The following ZFHX3 variants were observed in gnomAD, a reference collection of about 807,000 sequenced individuals.
ZFHX3 encodes the protein zinc finger homeobox protein 3.
ZFHX3 carries 42 observed loss-of-function variants against 279.1 expected under a neutral mutation model. The observed-to-expected ratio is 0.15, with a 90% CI of 0.12 to 0.19. The LOEUF is 0.19. Among genes scored for constraint, ZFHX3 ranks in the 10% least tolerant of loss-of-function variants. The probability of loss-of-function intolerance (pLI) is 1.00; values close to 1 mark genes in which losing one functional copy is unlikely to be tolerated. For missense variants in ZFHX3, 4,981 were observed against 4,754.0 expected, an observed-to-expected ratio of 1.05 and a Z score of -1.40; for synonymous variants, 2,293 against 1,957.8, an observed-to-expected ratio of 1.17 and a Z score of -4.52.
At chr16:73,605,595 A>G (rs1597023838) in intron 2 of ZFHX3, among the ~76,000 whole-genome samples, 1 of 152,038 alleles carries the variant, frequency 6.6e-6, no homozygotes, top group African/African-American at 2.4e-5. Flanking sequence ...CCAAACACTA[A>G]GGAAAAAGCA....
At chr16:73,654,222 A>G (rs2052700137) in intron 2 of ZFHX3, among the ~76,000 whole-genome samples, 1 of 152,032 alleles carries the variant, frequency 6.6e-6, no homozygotes, top group African/African-American at 2.4e-5. Flanking sequence ...AATGTTACAA[A>G]AAACTTCCTC....
At chr16:73,539,442 T>C (rs1193366108) in intron 2 of ZFHX3, among the ~76,000 whole-genome samples, 167 of 129,136 alleles carry the variant, frequency 1.3e-3, no homozygotes, top group African/African-American at 5.4e-3. Context: ...TCTTTTTTTT[T>C]TTTTTTTTTT....
chr16:73,355,650 G>T (rs1026934459), intron 3 of ZFHX3, among the ~76,000 whole-genome samples: 2 of 152,216 alleles, frequency 1.3e-5, no homozygotes, highest in Non-Finnish European at 2.9e-5. Context: ...CTGAGGCACA[G>T]CAGGGAGGAC....
At chr16:73,682,255 A>G (rs1422426648) in intron 1 of ZFHX3, among the ~76,000 whole-genome samples, 1 of 152,224 alleles carries the variant, frequency 6.6e-6, no homozygotes, top group East Asian at 1.9e-4. Flanking sequence ...GCCATGCTCA[A>G]TTATCATTAT....
At chr16:73,707,647 A>G (rs1006691256) in intron 1 of ZFHX3, among the ~76,000 whole-genome samples, 16 of 151,628 alleles carry the variant, frequency 1.1e-4, no homozygotes, top group African/African-American at 3.9e-4. Flanking sequence ...GCTAAATGAC[A>G]AGTTAATGGG....
intron 1 of ZFHX3, among the ~76,000 whole-genome samples, chr16:73,751,226 T>C (rs1001496969): frequency 6.6e-6 from 1 of 152,234 alleles, no homozygotes; most frequent in Non-Finnish European, 1.5e-5. Flanking sequence ...AGTCACTCAC[T>C]TGTGCATTTG....
In ZFHX3 at chr16:73,711,578, G is replaced by T. The variant is rs140817944; in HGVS notation, c.-1607-31338C>A. 3.0e-3 allele frequency among the ~76,000 whole-genome samples: 458 copies of T among 152,144 alleles called. 4 individuals carry two copies. Among genetic ancestry groups the T allele is most frequent in the African/African-American group, 0.011 (440 of 41,538 alleles). On this transcript the variant is annotated intron_variant, in intron 1 of 17. Transcript: ENST00000641206. Reference sequence around the variant, plus strand: ...ACCAAGAAGCAGTCTTCTGAAGTGGGGGTGCAGATATATGACTGAGGCAGA... The same window carrying T: ...ACCAAGAAGCAGTCTTCTGAAGTGGTGGTGCAGATATATGACTGAGGCAGA...
At chr16:73,666,723 A>C (rs1161990412) in intron 2 of ZFHX3, among the ~76,000 whole-genome samples, 1 of 151,904 alleles carries the variant, frequency 6.6e-6, no homozygotes, top group African/African-American at 2.4e-5. Context: ...CGAGATACTG[A>C]AAAGTTCCAT....
intron 1 of ZFHX3, among the ~76,000 whole-genome samples, chr16:72,991,352 C>G (rs1472443222): frequency 6.6e-6 from 1 of 152,200 alleles, no homozygotes; most frequent in Non-Finnish European, 1.5e-5. Context: ...AGACATTCCA[C>G]TAAGTGTCTT....
chr16:73,546,902 G>C (rs1239908277), intron 2 of ZFHX3, among the ~76,000 whole-genome samples: 1 of 152,012 alleles, frequency 6.6e-6, no homozygotes, highest in Non-Finnish European at 1.5e-5. Context: ...CCATCCTATT[G>C]TGTGTCCCTC....
At chr16:73,292,289 A>G (rs1394543491) in intron 4 of ZFHX3, among the ~76,000 whole-genome samples, 1 of 152,132 alleles carries the variant, frequency 6.6e-6, no homozygotes, top group Non-Finnish European at 1.5e-5. Context: ...ACATGTGGGT[A>G]TAGATATTTC....
At chr16:73,860,818 TCAA>T (rs1352194573) in intron 1 of ZFHX3, among the ~76,000 whole-genome samples, 2 of 152,068 alleles carry the variant, frequency 1.3e-5, no homozygotes, top group Admixed American at 6.6e-5. Flanking sequence ...CATAAAAGCC[TCAA>T]CAACAAGTGT....
chr16:73,120,822 T>G (rs1259649755), intron 7 of ZFHX3, among the ~76,000 whole-genome samples: 1 of 151,960 alleles, frequency 6.6e-6, no homozygotes, highest in African/African-American at 2.4e-5. Flanking sequence ...GCCCGGCGAA[T>G]TTTTTATATT....
At chr16:73,391,759 G>A (rs1330649105) in intron 3 of ZFHX3, among the ~76,000 whole-genome samples, 2 of 152,158 alleles carry the variant, frequency 1.3e-5, no homozygotes, top group African/African-American at 2.4e-5. Context: ...GCCAAGGGGG[G>A]CAGATCAGAA....
intron 4 of ZFHX3, among the ~76,000 whole-genome samples, chr16:73,284,150 C>T (rs551956563): frequency 6.6e-6 from 1 of 151,860 alleles, no homozygotes; most frequent in South Asian, 2.1e-4. Context: ...AACCCCACCT[C>T]TACTAAAAAT....
intron 5 of ZFHX3, among the ~76,000 whole-genome samples, chr16:73,202,672 C>T (rs1370961898): frequency 1.3e-5 from 2 of 152,166 alleles, no homozygotes; most frequent in Non-Finnish European, 2.9e-5. Context: ...TCTCTGCTAC[C>T]CTCTGCTCCA....
chr16:73,777,906 G>A (rs903152154), intron 1 of ZFHX3, among the ~76,000 whole-genome samples: 3 of 152,148 alleles, frequency 2.0e-5, no homozygotes. Flanking sequence ...AAGATGGAAT[G>A]TCACAAAATA....
chr16:73,198,239 T>C (rs1163507629), intron 5 of ZFHX3, among the ~76,000 whole-genome samples: 3 of 151,926 alleles, frequency 2.0e-5, no homozygotes, highest in Non-Finnish European at 4.4e-5. Flanking sequence ...GCCCAGCCCC[T>C]TATTTGGTGT....
chr16:73,357,467 G>A (rs950631254), intron 3 of ZFHX3, among the ~76,000 whole-genome samples: 7 of 152,196 alleles, frequency 4.6e-5, no homozygotes, highest in Non-Finnish European at 7.3e-5. Flanking sequence ...GGGAAGGCCA[G>A]AGCCTTCTAG....
Sources: allele counts gnomAD v4.1 joint callset (sites outside exome capture counted in the v4.1 genomes callset), GRCh38; gene constraint gnomAD v4.1.1; transcripts MANE v1.5; gene names NCBI Gene and HGNC (gene_info 2026-07-23, HGNC 2026-07-21).